Variants in OTOF observed in about 807,000 individuals in gnomAD.
OTOF encodes the protein fer-1-like family member 2.
In OTOF, 218 loss-of-function variants were observed where a neutral mutation model predicts 236.8. That is an observed-to-expected ratio of 0.92 (90% CI 0.82 to 1.03). The LOEUF (loss-of-function observed/expected upper bound fraction) is 1.03, where lower values mean the gene tolerates loss of function less well. Ranked by LOEUF, OTOF falls within the 50% of genes least tolerant of loss-of-function variation. OTOF has a pLI of 0.00. For missense variants in OTOF, 2,590 were observed against 2,694.4 expected, an observed-to-expected ratio of 0.96 and a Z score of 0.86; for synonymous variants, 1,041 against 1,072.5, an observed-to-expected ratio of 0.97 and a Z score of 0.57.
chr2:26,494,105 G>C (rs1665915847), intron 9 of OTOF, among the ~76,000 whole-genome samples: 2 of 152,190 alleles, frequency 1.3e-5, no homozygotes, highest in Admixed American at 1.3e-4. Flanking sequence ...AGAGCCCTGG[G>C]CTGGAAGCTG....
chr2:26,506,523 C>T (rs1290296780), intron 5 of OTOF, among the ~76,000 whole-genome samples: 1 of 152,196 alleles, frequency 6.6e-6, no homozygotes, highest in African/African-American at 2.4e-5. Context: ...GCCCTGCTGC[C>T]TGAGTCCCGG....
intron 1 of OTOF, among the ~76,000 whole-genome samples, chr2:26,550,452 GGCTCCAT>G (rs1667432256): frequency 6.6e-6 from 1 of 152,200 alleles, no homozygotes; most frequent in African/African-American, 2.4e-5. Context: ...TTCTGTGCCA[GGCTCCAT>G]GCTGCTGCTG....
Position 26,460,564 on chromosome 2 carries a change from G to A in OTOF, c.5813+83C>T. The stretch of plus-strand genomic sequence containing the variant: ...ATGAGGCTGTGGCCCAGGAAGAGAT[G>A]GGGTGTCTGGGGATCGTCTCCTTCC... On this transcript the variant is annotated intron_variant, in intron 45 of 46. Transcript: ENST00000272371. This position sits in a 1 kb window ranked among gnomAD's most constrained non-coding sequence, Gnocchi z 5.3. 1 of 1,072,384 alleles carries A rather than the reference G, an allele frequency of 9.3e-7. No homozygotes were observed. The highest frequency in any genetic ancestry group is 1.9e-5 in the Admixed American group (1 of 53,288). 66.4% of individuals were successfully genotyped at this position (1,072,384 alleles called of 1,614,324 possible). A position where few individuals can be genotyped will look rare whatever the true frequency, so the allele number is the denominator to read the frequency against.
chr2:26,531,050 G>C (rs543220493), intron 2 of OTOF, among the ~76,000 whole-genome samples: 4 of 152,222 alleles, frequency 2.6e-5, no homozygotes, highest in African/African-American at 9.6e-5. Flanking sequence ...CTTTTCAGTG[G>C]CTCCTCTACA....
chr2:26,463,542 G>A lies in OTOF; in HGVS notation c.5133C>T (p.Phe1711=), dbSNP rs1467384620. The A allele has an allele frequency of 1.2e-6, 2 of 1,608,568 alleles. No homozygotes were observed. The highest frequency in any genetic ancestry group is 1.1e-5 in the South Asian group (1 of 89,538). ...TCCCAGGGGCTGGCATGTCCATGGG[G>A]AACATGTCCACCCACAGCTCCAGGC... ...QGRLELWVDM[F]PMDMPAPGTP... is the part of the protein sequence containing the mutation. Residue 1711 remains phenylalanine, a synonymous_variant, in exon 41 of 47, where the codon TTC becomes TTT. Coordinates refer to ENST00000272371, the MANE Select transcript of OTOF (RefSeq NM_194248.3).
intron 39 of OTOF, among the ~76,000 whole-genome samples, 157 bp downstream of exon 39, chr2:26,464,711 CG>C (rs1180197944): frequency 6.6e-6 from 1 of 152,098 alleles, no homozygotes; most frequent in Non-Finnish European, 1.5e-5. Flanking sequence ...CAGACAGGAA[CG>C]GGGCTCTGGG....
chr2:26,463,550 C>T lies in OTOF; in HGVS notation c.5125G>A (p.Asp1709Asn), dbSNP rs1380599350. The T allele has an allele frequency of 2.5e-6, 4 of 1,606,688 alleles. No individual in the cohort carries two copies. Among genetic ancestry groups the T allele is most frequent in the Non-Finnish European group, 2.5e-6 (3 of 1,176,944 alleles). ...GCTGGCATGTCCATGGGGAACATGT[C>T]CACCCACAGCTCCAGGCGGCCCTGA... is the stretch of plus-strand genomic sequence containing the variant. ...IEQGRLELWV[D>N]MFPMDMPAPG... The change falls in exon 41 of 47, where the codon GAC (aspartate) becomes AAC (asparagine). Residue 1709 changes from aspartate (D) to asparagine (N), a missense_variant. By Grantham distance (23) the Asp-to-Asn change is conservative. Transcript: ENST00000272371.
Position 26,462,972 on chromosome 2 carries a change from A to G in OTOF, c.5192+511T>C, listed in dbSNP as rs1231663774. ...CACTCTACCACCTCCTGCCTCTTCC[A>G]GGCACTCACTCCTGGATTCATCACT... On this transcript the variant is annotated intron_variant, in intron 41 of 46. Transcript: ENST00000272371. The surrounding 1 kb of genome is among the most constrained non-coding windows in gnomAD (Gnocchi z 4.7). 6.6e-6 allele frequency among the ~76,000 whole-genome samples: 1 copy of G among 152,144 alleles called. No individual in the cohort carries two copies. Among genetic ancestry groups the G allele is most frequent in the African/African-American group, 2.4e-5 (1 of 41,432 alleles).
rs1666181411 is a variant in OTOF at position 26,503,837 on chromosome 2, C to A, written c.518G>T (p.Arg173Met). The change falls in exon 6 of 47, where the codon AGG (arginine) becomes ATG (methionine). Residue 173 changes from arginine (R) to methionine (M), a missense_variant. Coordinates refer to ENST00000272371, the MANE Select transcript of OTOF (RefSeq NM_194248.3). Reference sequence around the variant, plus strand: ...GAGCTTCATGGCGGAGAACACGCTCCTCCCGGCTCTGTGAGGGGGGCCACC... The same window carrying A: ...GAGCTTCATGGCGGAGAACACGCTCATCCCGGCTCTGTGAGGGGGGCCACC... ...PGEKSFRRAG[R>M]SVFSAMKLGK... The A allele has an allele frequency of 6.2e-7, 1 of 1,614,042 alleles. No individual in the cohort carries two copies. The highest frequency in any genetic ancestry group is 1.7e-5 in the Admixed American group (1 of 60,012).
chr2:26,513,160 G>GC (rs1286077936), intron 5 of OTOF, among the ~76,000 whole-genome samples: 2 of 152,168 alleles, frequency 1.3e-5, no homozygotes, highest in Non-Finnish European at 2.9e-5. Flanking sequence ...TTCAGGCAGA[G>GC]CCCCCATACT....
chr2:26,465,499 G>C lies in OTOF; in HGVS notation c.4799+173C>G, dbSNP rs111976163. 5.2e-3 allele frequency among the ~76,000 whole-genome samples: 787 copies of C among 152,312 alleles called. 10 individuals carry two copies. The highest frequency in any genetic ancestry group is 0.018 in the African/African-American group (734 of 41,566). The stretch of plus-strand genomic sequence containing the variant: ...TCCACTGTCCCTCTCCTTGTTTTGG[G>C]ATCTGCAGTCCTGTCCCCTGAAGAC... On this transcript the variant is annotated intron_variant, in intron 38 of 46. Transcript: ENST00000272371.
chr2:26,468,511 T>G (rs371062674), intron 32 of OTOF, 37 bp from the exon 33 acceptor site: 325 of 1,577,648 alleles, frequency 2.1e-4, no homozygotes, highest in Non-Finnish European at 1.8e-4. Flanking sequence ...AGAAGGTGGG[T>G]TTCCTGGGGA....
rs189216383 is a variant in OTOF, at chr2:26,484,117, C to T, written c.1205+357G>A. 1.6e-4 allele frequency among the ~76,000 whole-genome samples: 25 copies of T among 152,352 alleles called. No individual in the cohort carries two copies. In the East Asian group the frequency reaches 4.0e-3, roughly 25 times the overall value. ...CTCCAGACAAGGTCACAGAATATTTCTCAACAGCTGCTATCAGCTGCCTGG... is the reference window on the plus strand; with the variant it reads ...CTCCAGACAAGGTCACAGAATATTTTTCAACAGCTGCTATCAGCTGCCTGG... On this transcript the variant is annotated intron_variant, in intron 12 of 46. Coordinates refer to ENST00000272371, the MANE Select transcript of OTOF (RefSeq NM_194248.3).
chr2:26,507,395 A>G (rs535815103), intron 5 of OTOF, among the ~76,000 whole-genome samples: 1 of 152,346 alleles, frequency 6.6e-6, no homozygotes, highest in East Asian at 1.9e-4. Flanking sequence ...GTTCCCAGAA[A>G]GCAGTATGCC....
intron 1 of OTOF, among the ~76,000 whole-genome samples, chr2:26,539,482 T>C (rs1572490439): frequency 6.6e-6 from 1 of 152,188 alleles, no homozygotes; most frequent in Non-Finnish European, 1.5e-5. Context: ...ACGCCTGTAA[T>C]CCCAGCAATT....
At position 26,473,482 on chromosome 2, in the gene OTOF, T is replaced by C. The variant is rs1349405635; in HGVS notation, c.3494A>G (p.Lys1165Arg). Residue 1165 changes from lysine (K) to arginine (R), a missense_variant, in exon 28 of 47, where the codon AAG (lysine) becomes AGG (arginine). Lys to Arg is a conservative substitution (Grantham distance 26). Coordinates refer to ENST00000272371, the MANE Select transcript of OTOF (RefSeq NM_194248.3). The surrounding 1 kb of genome is among the most constrained non-coding windows in gnomAD (Gnocchi z 7.2). ...RPRVDIECAG[K>R]GVQSSLIHNY... is the part of the protein sequence containing the mutation. ...GTGGATCAGGGACGACTGCACCCCC[T>C]TCCCTGCACACTCGATGTCCACCCG... The C allele has an allele frequency of 6.8e-6, 11 of 1,613,048 alleles. No individual in the cohort carries two copies. The highest frequency in any genetic ancestry group is 2.7e-5 in the African/African-American group (2 of 74,876).
At chr2:26,529,589 C>T (rs1427334370) in intron 2 of OTOF, among the ~76,000 whole-genome samples, 1 of 152,182 alleles carries the variant, frequency 6.6e-6, no homozygotes, top group African/African-American at 2.4e-5. Flanking sequence ...TGCACGTTTG[C>T]CATTCCCAAA....
intron 1 of OTOF, among the ~76,000 whole-genome samples, chr2:26,540,695 T>C (rs1169571180): frequency 6.9e-6 from 1 of 144,012 alleles, no homozygotes; most frequent in Non-Finnish European, 1.5e-5. Flanking sequence ...AAACAGAGAG[T>C]GTGGATGCAG....
At chr2:26,491,669 G>T (rs1572447226) in intron 9 of OTOF, among the ~76,000 whole-genome samples, 1 of 152,296 alleles carries the variant, frequency 6.6e-6, no homozygotes, top group East Asian at 1.9e-4. Context: ...GCCCAGGGCG[G>T]GGCCAGATGC....
Sources: gnomAD v4.1 joint callset for allele counts (sites outside exome capture counted in the v4.1 genomes callset) on GRCh38, gnomAD v4.1.1 for gene constraint, Gnocchi (gnomAD v3.1) non-coding constraint, MANE v1.5 for transcripts, NCBI Gene and HGNC (gene_info 2026-07-23, HGNC 2026-07-21) for gene names.